Variants in DYNC2H1 observed in about 807,000 individuals in gnomAD.
DYNC2H1 encodes dynein cytoplasmic 2 heavy chain 1.
DYNC2H1 carries 410 observed loss-of-function variants against 570.0 expected under a neutral mutation model. The ratio of observed to expected loss-of-function variants is 0.72; its 90% CI spans 0.66 to 0.78. The LOEUF is 0.78. Ranked by LOEUF, DYNC2H1 falls within the 30% of genes least tolerant of loss-of-function variation. The probability of loss-of-function intolerance (pLI) is 0.00; values close to 1 mark genes in which losing one functional copy is unlikely to be tolerated. For missense variants in DYNC2H1, 4,865 were observed against 5,046.4 expected, an observed-to-expected ratio of 0.96 and a Z score of 1.09; for synonymous variants, 1,688 against 1,677.6, an observed-to-expected ratio of 1.01 and a Z score of -0.15.
At chr11:103,471,545 T>C (rs1945386594) in intron 88 of DYNC2H1, among the ~76,000 whole-genome samples, 1 of 152,330 alleles carries the variant, frequency 6.6e-6, no homozygotes, top group Admixed American at 6.5e-5. Context: ...AATATGTTTG[T>C]GTGTGTGTAA....
chr11:103,448,738 C>T (rs948548363), intron 85 of DYNC2H1, among the ~76,000 whole-genome samples: 8 of 152,194 alleles, frequency 5.3e-5, no homozygotes, highest in Non-Finnish European at 2.9e-5. Context: ...CAGTACTTAC[C>T]TGTTTCTTGG....
At chr11:103,389,627 G>A (rs545069550) in intron 83 of DYNC2H1, among the ~76,000 whole-genome samples, 81 of 151,736 alleles carry the variant, frequency 5.3e-4, no homozygotes, top group Admixed American at 1.1e-3. Context: ...TTCTCTTGTG[G>A]GCATTTAGTG....
intron 79 of DYNC2H1, among the ~76,000 whole-genome samples, chr11:103,315,726 C>G (rs11225705): frequency 0.051 from 7,810 of 151,808 alleles, 253 homozygotes; most frequent in Non-Finnish European, 0.075. Context: ...AAGTTATTAT[C>G]ATTTTACAGT....
At chr11:103,448,546 T>A (rs1017776297) in intron 85 of DYNC2H1, among the ~76,000 whole-genome samples, 3 of 152,052 alleles carry the variant, frequency 2.0e-5, no homozygotes, top group Non-Finnish European at 2.9e-5. Flanking sequence ...GGAGGGGAAA[T>A]GCAAATAGTT....
intron 84 of DYNC2H1, among the ~76,000 whole-genome samples, chr11:103,405,996 G>A (rs146686941): frequency 0.011 from 1,682 of 152,102 alleles, 34 homozygotes; most frequent in African/African-American, 0.038. Context: ...GGCAGGAGAA[G>A]TAGATTGAAG....
chr11:103,141,293 A>G (rs1859910982), intron 17 of DYNC2H1, among the ~76,000 whole-genome samples: 1 of 151,964 alleles, frequency 6.6e-6, no homozygotes, highest in Admixed American at 6.6e-5. Context: ...TGCTTTTTAG[A>G]GTTTCCAGTT....
At chr11:103,130,768 T>C (rs1373437083) in intron 13 of DYNC2H1, among the ~76,000 whole-genome samples, 1 of 152,186 alleles carries the variant, frequency 6.6e-6, no homozygotes, top group Non-Finnish European at 1.5e-5. Flanking sequence ...AATAAATTTG[T>C]TTAAAATAAA....
At chr11:103,159,716 A>G (rs142790345) in intron 28 of DYNC2H1, among the ~76,000 whole-genome samples, 3 of 152,320 alleles carry the variant, frequency 2.0e-5, no homozygotes, top group Admixed American at 6.5e-5. Context: ...GACTTCTTCT[A>G]TAGAGCAAAC....
intron 17 of DYNC2H1, among the ~76,000 whole-genome samples, chr11:103,141,238 G>A (rs892732518): frequency 3.9e-5 from 6 of 152,134 alleles, no homozygotes; most frequent in Non-Finnish European, 7.3e-5. Context: ...GCTTTGTTCC[G>A]TTACTGGTGA....
At position 103,299,860 on chromosome 11, in the gene DYNC2H1, C is replaced by G. The variant is rs1236139241; in HGVS notation, c.11096-3233C>G. 1.3e-5 allele frequency among the ~76,000 whole-genome samples: 2 copies of G among 152,064 alleles called. No individual in the cohort carries two copies. The highest frequency in any genetic ancestry group is 2.4e-5 in the African/African-American group (1 of 41,436). The stretch of plus-strand genomic sequence containing the variant: ...GGTATCTTTAGAATTCTGCCTACCA[C>G]AATATATTTGACATTTTTACTTGTT... On this transcript the variant is annotated intron_variant, in intron 75 of 88. Coordinates refer to ENST00000375735, the MANE Select transcript of DYNC2H1 (RefSeq NM_001377.3). The surrounding 1 kb of genome is among the most constrained non-coding windows in gnomAD (Gnocchi z 4.5).
intron 75 of DYNC2H1, among the ~76,000 whole-genome samples, chr11:103,302,385 T>G (rs971903375): frequency 7.2e-5 from 11 of 152,074 alleles, no homozygotes; most frequent in Non-Finnish European, 4.4e-5. Context: ...ATTATTATAC[T>G]TATTTTGCTT....
chr11:103,357,896 G>T (rs1940428376), intron 82 of DYNC2H1, among the ~76,000 whole-genome samples: 1 of 152,170 alleles, frequency 6.6e-6, no homozygotes, highest in Non-Finnish European at 1.5e-5. Flanking sequence ...GCTGCAGTGA[G>T]CTATCATTGC....
chr11:103,177,078 A>AT lies in DYNC2H1; in HGVS notation c.5875-471dup, dbSNP rs938549679. 2.0e-5 allele frequency among the ~76,000 whole-genome samples: 3 copies of AT among 152,078 alleles called. No individual in the cohort carries two copies. The highest frequency in any genetic ancestry group is 3.4e-3 in the Middle Eastern group (1 of 294). On this transcript the variant is annotated intron_variant, in intron 37 of 88. Coordinates refer to ENST00000375735, the MANE Select transcript of DYNC2H1 (RefSeq NM_001377.3). The surrounding 1 kb of genome is among the most constrained non-coding windows in gnomAD (Gnocchi z 4.4). ...GTACCTAATGTGTAATGGATTCATCATTTTTTTATAATTGATTATATATAT... is the reference window on the plus strand; with the variant it reads ...GTACCTAATGTGTAATGGATTCATCATTTTTTTTATAATTGATTATATATAT...
intron 82 of DYNC2H1, among the ~76,000 whole-genome samples, chr11:103,346,974 C>T (rs1481066518): frequency 6.6e-6 from 1 of 152,192 alleles, no homozygotes; most frequent in African/African-American, 2.4e-5. Flanking sequence ...TGTGATCAAT[C>T]TTTGCATCAC....
chr11:103,196,136 C>T (rs1862500516), intron 47 of DYNC2H1, among the ~76,000 whole-genome samples: 1 of 152,000 alleles, frequency 6.6e-6, no homozygotes, highest in Non-Finnish European at 1.5e-5. Flanking sequence ...TGGGATATTG[C>T]AGTGGTGTGG....
In DYNC2H1 at chr11:103,243,777, G is replaced by C; in HGVS notation, c.9904G>C (p.Val3302Leu). 6.3e-7 allele frequency: 1 copy of C among 1,591,494 alleles called. No individual in the cohort carries two copies. The highest frequency in any genetic ancestry group is 8.6e-7 in the Non-Finnish European group (1 of 1,167,540). Reference sequence around the variant, plus strand: ...ACATTTGAAAGACTCACGTTTAGAAGTTATCAATCAGCAGGTATGTATTAT... The same window carrying C: ...ACATTTGAAAGACTCACGTTTAGAACTTATCAATCAGCAGGTATGTATTAT... ...KTHLKDSRLE[V>L]INQQDSNFIT... The change falls in exon 64 of 89, where the codon GTT becomes CTT. Residue 3302 changes from valine (V) to leucine (L), a missense_variant. By Grantham distance (32) the Val-to-Leu change is conservative. This residue lies in a region of DYNC2H1 where 2,401 missense variants were observed against 2,454.6 expected (regional missense o/e 0.98). Coordinates refer to ENST00000375735, the MANE Select transcript of DYNC2H1 (RefSeq NM_001377.3). The surrounding 1 kb of genome is among the most constrained non-coding windows in gnomAD (Gnocchi z 4.8).
At chr11:103,119,783 G>A (rs761010642) in intron 6 of DYNC2H1, among the ~76,000 whole-genome samples, 1 of 152,168 alleles carries the variant, frequency 6.6e-6, no homozygotes, top group Non-Finnish European at 1.5e-5. Context: ...TCAACAGTCT[G>A]TAGGGGAAGT....
At position 103,177,863 on chromosome 11, in the gene DYNC2H1, T is replaced by TTTTTTTTTTTTTTTTTTTTGAGACGG; in HGVS notation, c.6139+43_6139+44insTTTTTTTTTTTTTTTTTTTGAGACGG. 1 of 1,554,634 alleles carries TTTTTTTTTTTTTTTTTTTTGAGACGG rather than the reference T, an allele frequency of 6.4e-7. No homozygotes were observed. Among genetic ancestry groups the TTTTTTTTTTTTTTTTTTTTGAGACGG allele is most frequent in the Non-Finnish European group, 8.6e-7 (1 of 1,158,562 alleles). ...CTTCTTTGCTTTACTTAGTAATTCT[T>TTTTTTTTTTTTTTTTTTTTGAGACGG]AGATAATGATATAATTTGTCTATAA... On this transcript the variant is annotated intron_variant, in intron 38 of 88. Transcript: ENST00000375735. This position sits in a 1 kb window ranked among gnomAD's most constrained non-coding sequence, Gnocchi z 4.4.
At chr11:103,406,893 CACTTTTGGG>C (rs1334418693) in intron 84 of DYNC2H1, 1 of 151,778 alleles carries the variant, frequency 6.6e-6, no homozygotes, top group East Asian at 1.9e-4. Flanking sequence ...TTCCTTGGGT[CACTTTTGGG>C]ACTCAGAAAT....
Sources: allele counts gnomAD v4.1 joint callset (sites outside exome capture counted in the v4.1 genomes callset), GRCh38; gene constraint gnomAD v4.1.1; regional missense constraint gnomAD v4.1.1; non-coding constraint Gnocchi (gnomAD v3.1); transcripts MANE v1.5; gene names NCBI Gene and HGNC (gene_info 2026-07-23, HGNC 2026-07-21).